Variants in PLB1 observed in about 807,000 individuals in gnomAD.
The protein encoded by PLB1 is phospholipase B1.
A neutral mutation model predicts 227.4 loss-of-function variants in PLB1; 242 were observed. The observed-to-expected ratio is 1.06, with a 90% CI of 0.96 to 1.18. The LOEUF is 1.18. Ranked by LOEUF, PLB1 falls within the 50% of genes most tolerant of loss-of-function variation. The probability of loss-of-function intolerance (pLI) is 0.00; values close to 1 mark genes in which losing one functional copy is unlikely to be tolerated. For synonymous variants in PLB1, 757 were observed against 682.2 expected, an observed-to-expected ratio of 1.11 and a Z score of -1.71; for missense variants, 1,858 against 1,816.3, an observed-to-expected ratio of 1.02 and a Z score of -0.42.
intron 56 of PLB1, among the ~76,000 whole-genome samples, chr2:28,635,982 ATTGTGTAT>A (rs574922992): frequency 2.8e-4 from 42 of 151,834 alleles, no homozygotes; most frequent in African/African-American, 9.2e-4. Context: ...ATTCAGGGAC[ATTGTGTAT>A]GTGTGTATGT....
rs772100986 is a variant in PLB1 at position 28,539,181 on chromosome 2, A to G, written c.698+3A>G. The G allele has an allele frequency of 1.2e-6, 2 of 1,610,804 alleles. No individual in the cohort carries two copies. The highest frequency in any genetic ancestry group is 1.7e-6 in the Non-Finnish European group (2 of 1,177,100). ...CAGTATCACGGCACTTGGCTCAGGT[A>G]AAAGGGGAAGTGGAATGAGACACGC... On this transcript the variant is annotated splice_donor_region_variant and intron_variant, in intron 11 of 57. Transcript: ENST00000327757.
At chr2:28,620,145 C>G (rs1686820934) in intron 46 of PLB1, 120 bp from the exon 47 acceptor site, 2 of 595,698 alleles carry the variant, frequency 3.4e-6, no homozygotes, top group African/African-American at 3.8e-5. Flanking sequence ...TGGAGAAAAG[C>G]CGGTACTATT....
intron 56 of PLB1, among the ~76,000 whole-genome samples, chr2:28,636,019 ATGTGTGTGTATGTG>A (rs1553467699): frequency 6.6e-4 from 65 of 98,370 alleles, no homozygotes; most frequent in African/African-American, 2.0e-3. Context: ...GTATGTATGA[ATGTGTGTGTATGTG>A]TGTGTGTGTA....
intron 14 of PLB1, 168 bp from the exon 15 acceptor site, chr2:28,548,692 C>G: frequency 1.5e-6 from 1 of 670,890 alleles, no homozygotes; most frequent in Non-Finnish European, 2.7e-6. Context: ...ACTGCTGCCC[C>G]AGCCCCAGAG....
At chr2:28,587,756 C>G (rs62131025) in intron 26 of PLB1, among the ~76,000 whole-genome samples, 52,321 of 152,116 alleles carry the variant, frequency 0.34, 9,188 homozygotes, top group South Asian at 0.39. Context: ...GCAATGATTG[C>G]TGAAGCCTCA....
chr2:28,619,936 T>C (rs532206682), intron 46 of PLB1, among the ~76,000 whole-genome samples: 21 of 152,170 alleles, frequency 1.4e-4, no homozygotes, highest in Non-Finnish European at 2.5e-4. Context: ...CTGGAGTCAG[T>C]TCACTCAGGC....
chr2:28,597,915 A>C (rs1683224905), intron 33 of PLB1, 90 bp from the exon 34 acceptor site: 1 of 1,275,404 alleles, frequency 7.8e-7, no homozygotes, highest in Admixed American at 1.7e-5. Context: ...GGCACTAAGA[A>C]GGGTGGGGGC....
At chr2:28,551,423 A>G (rs1286489930) in intron 16 of PLB1, among the ~76,000 whole-genome samples, 1 of 152,248 alleles carries the variant, frequency 6.6e-6, no homozygotes, top group Non-Finnish European at 1.5e-5. Context: ...GAGCTGAGAC[A>G]AATTTGGTCC....
chr2:28,628,747 A>G, intron 52 of PLB1, 119 bp downstream of exon 52: 3 of 1,004,054 alleles, frequency 3.0e-6, no homozygotes, highest in Admixed American at 1.8e-5. Flanking sequence ...GAGCACCTGG[A>G]TGGCAGGGAG....
At chr2:28,496,350 C>G (rs891887467) in intron 1 of PLB1, among the ~76,000 whole-genome samples, 181 bp downstream of exon 1, 1 of 152,158 alleles carries the variant, frequency 6.6e-6, no homozygotes, top group Non-Finnish European at 1.5e-5. Flanking sequence ...AGGCTGCCTA[C>G]ACAGGGTTAC....
chr2:28,602,030 G>C, intron 38 of PLB1, 66 bp downstream of exon 38: 15 of 1,289,694 alleles, frequency 1.2e-5, no homozygotes, highest in Non-Finnish European at 1.6e-5. Context: ...TGGATGGGGG[G>C]AAAGAATGAG....
Position 28,643,994 on chromosome 2 carries a change from G to A in PLB1, c.*933G>A, listed in dbSNP as rs1690226984. ...TATGCTGCACAAAAGCCCAGGGAGG[G>A]GGTAAAGGGAAAATCTTTGAAAATA... On this transcript the variant is annotated 3_prime_UTR_variant, in exon 58 of 58. Transcript: ENST00000327757. Among the ~76,000 whole-genome samples, 1 of 152,202 alleles carries A rather than the reference G, an allele frequency of 6.6e-6. No individual in the cohort carries two copies. Among genetic ancestry groups the A allele is most frequent in the Non-Finnish European group, 1.5e-5 (1 of 68,036 alleles).
At chr2:28,557,597 A>G (rs982317048) in intron 17 of PLB1, among the ~76,000 whole-genome samples, 4 of 152,066 alleles carry the variant, frequency 2.6e-5, no homozygotes, top group African/African-American at 9.7e-5. Context: ...CTAGTGTGCA[A>G]TTTCCTTGCT....
At chr2:28,587,038 C>T (rs952201257) in intron 26 of PLB1, among the ~76,000 whole-genome samples, 2 of 152,166 alleles carry the variant, frequency 1.3e-5, no homozygotes, top group Non-Finnish European at 2.9e-5. Context: ...TGTGAGCCAC[C>T]GCGCCAAGCC....
At position 28,591,708 on chromosome 2, in the gene PLB1, G is replaced by A. The variant is rs766323561; in HGVS notation, c.2136G>A (p.Gly712=). The change falls in exon 31 of 58, where the codon GGG becomes GGA. Residue 712 remains glycine (G), a synonymous_variant. Transcript: ENST00000327757. ...RTYKNSMQGH[G]TWLPCRDRAP... is the part of the protein sequence containing the mutation. ...TTGTTCTATGCCCTTAGGGTCATGG[G>A]ACCTGGCTGCCATGCAGGGACAGAG... 48 of 1,613,826 alleles carry A rather than the reference G, an allele frequency of 3.0e-5. No individual in the cohort carries two copies. The highest frequency in any genetic ancestry group is 6.7e-5 in the Admixed American group (4 of 59,992).
chr2:28,608,408 G>GGC (rs1265605758), intron 43 of PLB1, among the ~76,000 whole-genome samples: 2 of 152,182 alleles, frequency 1.3e-5, no homozygotes, highest in Admixed American at 1.3e-4. Context: ...ACAGGCAACA[G>GGC]GCAAGACGCA....
chr2:28,565,537 A>G (rs1676741393), intron 19 of PLB1, among the ~76,000 whole-genome samples, 184 bp downstream of exon 19: 1 of 142,374 alleles, frequency 7.0e-6, no homozygotes, highest in Non-Finnish European at 1.6e-5. Flanking sequence ...TACATTGCCC[A>G]AAACAGTAGC....
intron 17 of PLB1, among the ~76,000 whole-genome samples, chr2:28,562,191 T>G (rs1183122651): frequency 6.6e-6 from 1 of 152,142 alleles, no homozygotes; most frequent in East Asian, 1.9e-4. Context: ...ATAGACTAAA[T>G]GCCACTGAAC....
At chr2:28,522,896 G>T (rs1287034623) in intron 4 of PLB1, among the ~76,000 whole-genome samples, 1 of 152,200 alleles carries the variant, frequency 6.6e-6, no homozygotes, top group Non-Finnish European at 1.5e-5. Flanking sequence ...TACCTGGGGT[G>T]TGTATTTTAA....
Sources: gnomAD v4.1 joint callset for allele counts (sites outside exome capture counted in the v4.1 genomes callset) on GRCh38, gnomAD v4.1.1 for gene constraint, MANE v1.5 for transcripts, NCBI Gene and HGNC (gene_info 2026-07-23, HGNC 2026-07-21) for gene names.